The following TMEM200A variants were observed in gnomAD, a reference collection of about 807,000 sequenced individuals.
The protein encoded by TMEM200A is transmembrane protein 200A, also known as two transmembrane C.
In TMEM200A, 12 loss-of-function variants were observed where a neutral mutation model predicts 24.3. That is an observed-to-expected ratio of 0.49 (90% CI 0.32 to 0.80). The LOEUF (loss-of-function observed/expected upper bound fraction) is 0.80, where lower values mean the gene tolerates loss of function less well. Among genes scored for constraint, TMEM200A ranks in the 30% least tolerant of loss-of-function variants. TMEM200A has a pLI of 0.04. For synonymous variants in TMEM200A, 224 were observed against 224.4 expected (o/e 1.00, Z 0.02); for missense variants, 545 against 614.4 (o/e 0.89, Z 1.19).
At chr6:130,377,912 G>A (rs1778499705) in intron 1 of TMEM200A, among the ~76,000 whole-genome samples, 1 of 152,178 alleles carries the variant, frequency 6.6e-6, no homozygotes, top group Non-Finnish European at 1.5e-5. Flanking sequence ...GGCCAAGGAA[G>A]CCCTCTCTGA....
rs570979821 is a variant in TMEM200A, at chr6:130,375,177, T to C, written c.-81+8653T>C. On this transcript the variant is annotated intron_variant, in intron 1 of 2. Coordinates refer to ENST00000296978, the MANE Select transcript of TMEM200A (RefSeq NM_001258277.2). ...AGTCAGTAATTTTGAACAAAATTAT[T>C]TTCGTTCATTTGTTCAACAAATGAT... Among the ~76,000 whole-genome samples the C allele has an allele frequency of 2.6e-5, 4 of 152,328 alleles. No individual in the cohort carries two copies. The East Asian group carries it at 7.7e-4, about 29-fold the overall frequency.
intron 2 of TMEM200A, 150 bp from the exon 3 acceptor site, chr6:130,440,257 A>G (rs976185052): frequency 2.8e-6 from 2 of 712,718 alleles, no homozygotes; most frequent in African/African-American, 1.8e-5. Flanking sequence ...TACCCAAACT[A>G]TGTCAATTAA....
chr6:130,424,466 G>GAAT (rs372045798), intron 2 of TMEM200A, among the ~76,000 whole-genome samples: 56 of 152,062 alleles, frequency 3.7e-4, no homozygotes, highest in African/African-American at 1.3e-3. Context: ...GTCTCCAGAT[G>GAAT]AATAATTTAA....
chr6:130,365,619 C>T (rs1364815333), upstream of TMEM200A: 2 of 985,354 alleles, frequency 2.0e-6, no homozygotes, highest in African/African-American at 3.5e-5. Context: ...GGGTCCCTGG[C>T]TCGGTAACCG....
chr6:130,427,318 T>G (rs1779767371), intron 2 of TMEM200A, among the ~76,000 whole-genome samples: 1 of 152,228 alleles, frequency 6.6e-6, no homozygotes, highest in African/African-American at 2.4e-5. Flanking sequence ...TCTAACTATT[T>G]CTGCTCTAGA....
In TMEM200A at chr6:130,366,270, C is replaced by T; in HGVS notation, c.-335C>T. 3 of 985,272 alleles carry T rather than the reference C, an allele frequency of 3.0e-6. No individual in the cohort carries two copies. The highest frequency in any genetic ancestry group is 2.4e-6 in the Non-Finnish European group (2 of 829,878). 61.0% of individuals were successfully genotyped at this position (985,272 alleles called of 1,614,324 possible). On this transcript the variant is annotated 5_prime_UTR_variant, in exon 1 of 3. Transcript: ENST00000296978. This position sits in a 1 kb window ranked among gnomAD's most constrained non-coding sequence, Gnocchi z 4.4. ...CGGCGCGGGCATAGGGGCGCCCCCA[C>T]CCTCCGTCCGCTTGCACCCCTTGCC... is the stretch of plus-strand genomic sequence containing the variant.
intron 1 of TMEM200A, among the ~76,000 whole-genome samples, chr6:130,375,275 CT>C (rs1376140983): frequency 6.6e-6 from 1 of 152,164 alleles, no homozygotes; most frequent in Non-Finnish European, 1.5e-5. Context: ...TGAGACAGAT[CT>C]TCTTACACAA....
chr6:130,388,648 AT>A (rs1454072641), intron 2 of TMEM200A, among the ~76,000 whole-genome samples: 2 of 152,218 alleles, frequency 1.3e-5, no homozygotes, highest in African/African-American at 4.8e-5. Context: ...CAATCTTGTC[AT>A]CAGAAATGAT....
intron 2 of TMEM200A, among the ~76,000 whole-genome samples, chr6:130,397,282 C>T (rs951691632): frequency 2.0e-5 from 3 of 152,096 alleles, no homozygotes; most frequent in Admixed American, 6.6e-5. Context: ...AGATTAAGGG[C>T]AGCTTTAAAC....
rs763322759 is a variant in TMEM200A at position 130,440,391 on chromosome 6, T to C, written c.-16-16T>C. 2.5e-5 allele frequency: 37 copies of C among 1,507,382 alleles called. No individual in the cohort carries two copies. Among genetic ancestry groups the C allele is most frequent in the South Asian group, 2.0e-4 (14 of 70,758 alleles). 93.4% of individuals were successfully genotyped at this position (1,507,382 alleles called of 1,614,324 possible). A position where few individuals can be genotyped will look rare whatever the true frequency, so the allele number is the denominator to read the frequency against. ...CATATTTACATCATCTTTTTCCTTTTTTTTTTCTTCTTCAGAGTAAAAGGC... is the reference window on the plus strand; with the variant it reads ...CATATTTACATCATCTTTTTCCTTTCTTTTTTCTTCTTCAGAGTAAAAGGC... On this transcript the variant is annotated splice_polypyrimidine_tract_variant and intron_variant, in intron 2 of 2. Transcript: ENST00000296978.
chr6:130,426,704 T>C (rs1478882485), intron 2 of TMEM200A, among the ~76,000 whole-genome samples: 2 of 152,138 alleles, frequency 1.3e-5, no homozygotes, highest in African/African-American at 2.4e-5. Context: ...AAGAAAGCCA[T>C]GTCCCTTTTG....
At chr6:130,413,185 T>C (rs899483037) in intron 2 of TMEM200A, among the ~76,000 whole-genome samples, 8 of 152,194 alleles carry the variant, frequency 5.3e-5, no homozygotes, top group Non-Finnish European at 1.2e-4. Context: ...ATACTGATAA[T>C]CCCAAGTTTG....
At position 130,392,530 on chromosome 6, in the gene TMEM200A, C is replaced by T. The variant is rs77512123; in HGVS notation, c.-17+7294C>T. Among the ~76,000 whole-genome samples, 88 of 152,264 alleles carry T rather than the reference C, an allele frequency of 5.8e-4. No individual in the cohort carries two copies. The East Asian group carries it at 0.013, about 22-fold the overall frequency. ...GTAGCCTTTTAAGCCTTTCCGCCTC[C>T]GGTTTCACTGTCAGCCTATCTGTCC... On this transcript the variant is annotated intron_variant, in intron 2 of 2. Coordinates refer to ENST00000296978, the MANE Select transcript of TMEM200A (RefSeq NM_001258277.2).
chr6:130,429,928 C>T (rs1779836306), intron 2 of TMEM200A, among the ~76,000 whole-genome samples: 1 of 152,138 alleles, frequency 6.6e-6, no homozygotes, highest in African/African-American at 2.4e-5. Context: ...AAACATTCTT[C>T]TCTGGATATA....
At chr6:130,426,504 C>T (rs914056623) in intron 2 of TMEM200A, among the ~76,000 whole-genome samples, 2 of 144,330 alleles carry the variant, frequency 1.4e-5, no homozygotes, top group Admixed American at 1.4e-4. Flanking sequence ...CTGAAGATCT[C>T]TGTCCAGCCT....
intron 2 of TMEM200A, among the ~76,000 whole-genome samples, chr6:130,422,135 T>C (rs973606566): frequency 2.6e-5 from 4 of 152,176 alleles, no homozygotes; most frequent in Admixed American, 2.0e-4. Context: ...ACCTTCATAC[T>C]TTTTAATAAT....
chr6:130,414,431 C>CAAAAAAAA (rs11317905), intron 2 of TMEM200A, among the ~76,000 whole-genome samples: 1 of 57,902 alleles, frequency 1.7e-5, no homozygotes, highest in Non-Finnish European at 4.3e-5. Flanking sequence ...GACTCCATCT[C>CAAAAAAAA]AAAAAAAAAA....
At chr6:130,438,834 A>C (rs1780085578) in intron 2 of TMEM200A, 1 of 152,224 alleles carries the variant, frequency 6.6e-6, no homozygotes, top group Non-Finnish European at 1.5e-5. Flanking sequence ...TGCTGTAAGG[A>C]GTTAATGCTT....
intron 2 of TMEM200A, among the ~76,000 whole-genome samples, chr6:130,434,228 G>C (rs1464052830): frequency 6.6e-6 from 1 of 151,932 alleles, no homozygotes; most frequent in Non-Finnish European, 1.5e-5. Flanking sequence ...AAGGCACTGG[G>C]ACAGCATGAA....
Sources: gnomAD v4.1 joint callset for allele counts (sites outside exome capture counted in the v4.1 genomes callset) on GRCh38, gnomAD v4.1.1 for gene constraint, Gnocchi (gnomAD v3.1) non-coding constraint, MANE v1.5 for transcripts, NCBI Gene and HGNC (gene_info 2026-07-23, HGNC 2026-07-21) for gene names.